Variants in KCTD18 observed in about 807,000 individuals in gnomAD.
The protein encoded by KCTD18 is BTB/POZ domain-containing protein KCTD18.
KCTD18 carries 22 observed loss-of-function variants against 30.4 expected under a neutral mutation model. That is an observed-to-expected ratio of 0.72 (90% CI 0.52 to 1.03). The LOEUF (loss-of-function observed/expected upper bound fraction) is 1.03, where lower values mean the gene tolerates loss of function less well. KCTD18 is among the 50% of genes least tolerant of loss of function. The pLI is 0.00. For synonymous variants in KCTD18, 186 were observed against 209.0 expected (o/e 0.89, Z 0.95); for missense variants, 529 against 547.6 (o/e 0.97, Z 0.34).
intron 3 of KCTD18, among the ~76,000 whole-genome samples, chr2:200,502,323 T>A (rs1182900317): frequency 6.6e-6 from 1 of 151,724 alleles, no homozygotes; most frequent in Non-Finnish European, 1.5e-5. Flanking sequence ...AAAAAAGAAA[T>A]CTTCATATAA....
Position 200,489,306 on chromosome 2 carries a change from T to C in KCTD18, c.*794A>G, listed in dbSNP as rs1318107528. 3.9e-5 allele frequency: 6 copies of C among 152,688 alleles called. No individual in the cohort carries two copies. The highest frequency in any genetic ancestry group is 3.2e-3 in the Middle Eastern group (1 of 316). 9.5% of individuals were successfully genotyped at this position (152,688 alleles called of 1,614,324 possible). A position where few individuals can be genotyped will look rare whatever the true frequency, so the allele number is the denominator to read the frequency against. On this transcript the variant is annotated 3_prime_UTR_variant, in exon 7 of 7. Transcript: ENST00000359878. Reference sequence around the variant, plus strand: ...AGAATGAATCTTCAGTGGTCATTTCTGAAAAACAAATACTAACTTTAGTTA... The same window carrying C: ...AGAATGAATCTTCAGTGGTCATTTCCGAAAAACAAATACTAACTTTAGTTA...
chr2:200,504,060 C>A (rs754066420), intron 3 of KCTD18, among the ~76,000 whole-genome samples: 9 of 152,146 alleles, frequency 5.9e-5, no homozygotes, highest in Non-Finnish European at 1.3e-4. Flanking sequence ...CTTACTAAAT[C>A]AAGTAAGATG....
rs776526393 is a variant in KCTD18 at position 200,490,616 on chromosome 2, C to T, written c.765G>A (p.Arg255=). The change falls in exon 7 of 7, where the codon AGG becomes AGA. Residue 255 remains arginine (R), a splice_region_variant and synonymous_variant. Transcript: ENST00000359878. ...CCGCTTCATTGAACGTTATCAGTCG[C>T]CTAGAAATACAGAAGCGTGTCATTT... ...SLRHMAPIRK[R]RLITFNEADE... 1 of 1,578,598 alleles carries T rather than the reference C, an allele frequency of 6.3e-7. No individual in the cohort carries two copies. The highest frequency in any genetic ancestry group is 2.2e-5 in the East Asian group (1 of 44,516).
Position 200,498,882 on chromosome 2 carries a change from T to C in KCTD18, c.566+9A>G. 1.2e-6 allele frequency: 2 copies of C among 1,610,658 alleles called. No individual in the cohort carries two copies. Among genetic ancestry groups the C allele is most frequent in the Non-Finnish European group, 8.5e-7 (1 of 1,177,516 alleles). ...TTTTGTTCTTTTTCACATTTAAATT[T>C]GGACATACCTTTTAAAAATGCCTTT... is the stretch of plus-strand genomic sequence containing the variant. On this transcript the variant is annotated intron_variant, in intron 4 of 6. Transcript: ENST00000359878.
chr2:200,490,479 C>G lies in KCTD18; in HGVS notation c.902G>C (p.Ser301Thr). The G allele has an allele frequency of 6.2e-7, 1 of 1,612,950 alleles. No individual in the cohort carries two copies. The highest frequency in any genetic ancestry group is 8.5e-7 in the Non-Finnish European group (1 of 1,180,034). ...NSASVTVSPA[S>T]AIQTSAGATA... Reference sequence around the variant, plus strand: ...CGCCCCAGCCGACGTCTGGATGGCACTGGCTGGAGACACCGTGACTGAGGC... The same window carrying G: ...CGCCCCAGCCGACGTCTGGATGGCAGTGGCTGGAGACACCGTGACTGAGGC... Residue 301 changes from serine to threonine, a missense_variant, in exon 7 of 7, where the codon AGT (serine) becomes ACT (threonine). Coordinates refer to ENST00000359878, the MANE Select transcript of KCTD18 (RefSeq NM_152387.4).
intron 3 of KCTD18, among the ~76,000 whole-genome samples, chr2:200,503,035 G>GAAA (rs1208626767): frequency 1.7e-5 from 1 of 58,100 alleles, no homozygotes; most frequent in Non-Finnish European, 3.7e-5. Context: ...CATCTCAAAA[G>GAAA]AAAAAAAAAA....
In KCTD18 at chr2:200,490,303, G is replaced by A. The variant is rs374734919; in HGVS notation, c.1078C>T (p.Pro360Ser). Reference sequence around the variant, plus strand: ...TCGGAGAGTAGCACCTTAGCTGGAGGTAAGTGCGTGCCTCCATTTTCAGCG... The same window carrying A: ...TCGGAGAGTAGCACCTTAGCTGGAGATAAGTGCGTGCCTCCATTTTCAGCG... ...ASAENGGTHL[P>S]PAKVLLSDKK... The change falls in exon 7 of 7, where the codon CCT becomes TCT. Residue 360 changes from proline to serine, a missense_variant. Pro to Ser is a moderately conservative substitution (Grantham distance 74). Coordinates refer to ENST00000359878, the MANE Select transcript of KCTD18 (RefSeq NM_152387.4). 3.1e-6 allele frequency: 5 copies of A among 1,614,144 alleles called. No homozygotes were observed. Among genetic ancestry groups the A allele is most frequent in the African/African-American group, 1.3e-5 (1 of 74,948 alleles).
chr2:200,499,890 A>G (rs4567917), intron 3 of KCTD18, among the ~76,000 whole-genome samples: 132,467 of 144,968 alleles, frequency 0.91, 61,226 homozygotes, highest in Non-Finnish European at 0.98. Context: ...ATAAAATACT[A>G]GCAAACCGAA....
chr2:200,507,049 A>G lies in KCTD18; in HGVS notation c.-33T>C. On this transcript the variant is annotated 5_prime_UTR_variant, in exon 2 of 7. Transcript: ENST00000359878. ...CCAGGCACCTGAATTTTTGCCGCCC[A>G]ACACTTTCAGAAACTTCAAAACAAT... The G allele has an allele frequency of 6.4e-7, 1 of 1,572,118 alleles. No homozygotes were observed. Among genetic ancestry groups the G allele is most frequent in the East Asian group, 2.3e-5 (1 of 44,218 alleles).
Position 200,501,689 on chromosome 2 carries a change from G to C in KCTD18, c.373-2605C>G, listed in dbSNP as rs2088087246. 4.1e-5 allele frequency among the ~76,000 whole-genome samples: 6 copies of C among 147,222 alleles called. No individual in the cohort carries two copies. In the South Asian group the frequency reaches 1.3e-3, roughly 33 times the overall value. On this transcript the variant is annotated intron_variant, in intron 3 of 6. Transcript: ENST00000359878. ...TAGGAACACTTTTACACTGTTGGTG[G>C]GACTGTAAACTAGTTCAACCATTGT... is the stretch of plus-strand genomic sequence containing the variant.
Position 200,490,217 on chromosome 2 carries a change from C to A in KCTD18, c.1164G>T (p.Ala388=), listed in dbSNP as rs145070348. The A allele has an allele frequency of 6.3e-7, 1 of 1,580,276 alleles. No homozygotes were observed. The highest frequency in any genetic ancestry group is 1.3e-5 in the African/African-American group (1 of 74,642). The change falls in exon 7 of 7, where the codon GCG becomes GCT. Residue 388 remains alanine (A), a synonymous_variant. Coordinates refer to ENST00000359878, the MANE Select transcript of KCTD18 (RefSeq NM_152387.4). ...TGGCCGTGGGGGAGGGCAGGCAAGG[C>A]GCGGTGGCGCACAGCGGAGTCCTCT... ...KLKRTPLCAT[A]PCLPSPTATR...
rs754864975 is a variant in KCTD18 at position 200,490,194 on chromosome 2, G to A, written c.1187C>T (p.Ala396Val). ...ATAPCLPSPT[A>V]TRQANSLKPL... Reference sequence around the variant, plus strand: ...CTTGAGGGAGTTGGCCTGCCTCGTGGCCGTGGGGGAGGGCAGGCAAGGCGC... The same window carrying A: ...CTTGAGGGAGTTGGCCTGCCTCGTGACCGTGGGGGAGGGCAGGCAAGGCGC... The change falls in exon 7 of 7, where the codon GCC becomes GTC. Residue 396 changes from alanine to valine, a missense_variant. Ala to Val is a moderately conservative substitution (Grantham distance 64, BLOSUM62 0). Transcript: ENST00000359878. 1 of 1,614,012 alleles carries A rather than the reference G, an allele frequency of 6.2e-7. No homozygotes were observed. Among genetic ancestry groups the A allele is most frequent in the East Asian group, 2.2e-5 (1 of 44,882 alleles).
rs200898789 is a variant in KCTD18 at position 200,490,604 on chromosome 2, C to T, written c.777G>A (p.Thr259=). The change falls in exon 7 of 7, where the codon ACG becomes ACA. Residue 259 remains threonine (T), a synonymous_variant. Coordinates refer to ENST00000359878, the MANE Select transcript of KCTD18 (RefSeq NM_152387.4). ...MAPIRKRRLI[T]FNEADESVNY... Reference sequence around the variant, plus strand: ...TCACACTTTCGTCCGCTTCATTGAACGTTATCAGTCGCCTAGAAATACAGA... The same window carrying T: ...TCACACTTTCGTCCGCTTCATTGAATGTTATCAGTCGCCTAGAAATACAGA... 1.6e-4 allele frequency: 250 copies of T among 1,585,416 alleles called. 1 individual carries two copies. In the South Asian group the frequency reaches 2.5e-3, roughly 16 times the overall value.
intron 2 of KCTD18, 146 bp downstream of exon 2, chr2:200,506,711 T>C: frequency 4.7e-6 from 3 of 635,044 alleles, no homozygotes; most frequent in Non-Finnish European, 7.9e-6. Flanking sequence ...TTTCTCCACG[T>C]ACTTAATGAA....
At position 200,493,233 on chromosome 2, in the gene KCTD18, A is replaced by G. The variant is rs1167067376; in HGVS notation, c.703T>C (p.Trp235Arg). Residue 235 changes from tryptophan (W) to arginine (R), a missense_variant, in exon 6 of 7, where the codon TGG (tryptophan) becomes CGG (arginine). Trp to Arg is a moderately radical substitution (Grantham distance 101, BLOSUM62 -3). Coordinates refer to ENST00000359878, the MANE Select transcript of KCTD18 (RefSeq NM_152387.4). Reference sequence around the variant, plus strand: ...AGTAAAGGCCGTTCTTCTAGAGTCCAACACTCTATCAGCTCATGAGGCACC... The same window carrying G: ...AGTAAAGGCCGTTCTTCTAGAGTCCGACACTCTATCAGCTCATGAGGCACC... ...WRVPHELIEC[W>R]TLEERPLLGS... 3 of 1,613,244 alleles carry G rather than the reference A, an allele frequency of 1.9e-6. No homozygotes were observed. Among genetic ancestry groups the G allele is most frequent in the Non-Finnish European group, 1.7e-6 (2 of 1,179,426 alleles).
rs779839986 is a variant in KCTD18, at chr2:200,490,147, G to A, written c.1234C>T (p.Arg412Cys). The change falls in exon 7 of 7, where the codon CGT becomes TGT. Residue 412 changes from arginine (R) to cysteine (C), a missense_variant. Transcript: ENST00000359878. The stretch of plus-strand genomic sequence containing the variant: ...TTCTCAGTCCGCACTCCCAAGGCAC[G>A]GGCAGCTTCGCCGGGAAGCGGCTTG... The part of the protein sequence containing the change: ...SLKPLPGEAA[R>C]ALGVRTENGK... The A allele has an allele frequency of 6.2e-6, 10 of 1,607,272 alleles. No individual in the cohort carries two copies. Among genetic ancestry groups the A allele is most frequent in the Admixed American group, 3.3e-5 (2 of 59,806 alleles).
At chr2:200,500,278 T>C (rs11682908) in intron 3 of KCTD18, among the ~76,000 whole-genome samples, 132,447 of 144,670 alleles carry the variant, frequency 0.92, 61,298 homozygotes, top group Non-Finnish European at 0.98. Flanking sequence ...AAGTTCTGGC[T>C]AGGGCAATTA....
chr2:200,499,363 C>T (rs1192495493), intron 3 of KCTD18, among the ~76,000 whole-genome samples: 2 of 152,076 alleles, frequency 1.3e-5, no homozygotes, highest in African/African-American at 4.8e-5. Context: ...CATTTTATTT[C>T]TTACTCTTTT....
rs148937801 is a variant in KCTD18, at chr2:200,497,767, G to C, written c.647C>G (p.Ala216Gly). The C allele has an allele frequency of 1.0e-3, 1,628 of 1,607,970 alleles. 4 individuals carry two copies. Among genetic ancestry groups the C allele is most frequent in the Non-Finnish European group, 1.1e-3 (1,237 of 1,175,136 alleles). ...TTGCACTGTACCTTTTCCTTCCCAA[G>C]CATCAAAGGCATCCATCATTTTCTT... ...ELKKMMDAFD[A>G]WEGKGVSYWR... The change falls in exon 5 of 7, where the codon GCT becomes GGT. Residue 216 changes from alanine to glycine, a missense_variant. Ala to Gly is a moderately conservative substitution (Grantham distance 60). Transcript: ENST00000359878.
Sources: allele counts gnomAD v4.1 joint callset (sites outside exome capture counted in the v4.1 genomes callset), GRCh38; gene constraint gnomAD v4.1.1; transcripts MANE v1.5; gene names NCBI Gene and HGNC (gene_info 2026-07-23, HGNC 2026-07-21).